The following COL21A1 variants were observed in gnomAD, a reference collection of about 807,000 sequenced individuals.
COL21A1 encodes collagen type XXI alpha 1 chain.
A neutral mutation model predicts 137.9 loss-of-function variants in COL21A1; 149 were observed. That is an observed-to-expected ratio of 1.08 (90% CI 0.95 to 1.24). COL21A1 has a LOEUF of 1.24. Ranked by LOEUF, COL21A1 falls within the 50% of genes most tolerant of loss-of-function variation. COL21A1 has a pLI of 0.00. For missense variants in COL21A1, 1,167 were observed against 1,158.4 expected, an observed-to-expected ratio of 1.01 and a Z score of -0.11; for synonymous variants, 456 against 391.5, an observed-to-expected ratio of 1.16 and a Z score of -1.95.
At chr6:56,276,637 T>G (rs1490846548) in intron 1 of COL21A1, 1 of 1,438,786 alleles carries the variant, frequency 7.0e-7, no homozygotes, top group African/African-American at 1.4e-5. Flanking sequence ...CAAAATCAAT[T>G]TCTGGAAAAC....
intron 17 of COL21A1, among the ~76,000 whole-genome samples, chr6:56,087,706 A>G (rs1463522244): frequency 6.6e-6 from 1 of 152,178 alleles, no homozygotes; most frequent in African/African-American, 2.4e-5. Context: ...TTTGTACAAA[A>G]CAGTACAGTT....
intron 1 of COL21A1, among the ~76,000 whole-genome samples, chr6:56,287,256 T>A (rs4425584): frequency 6.6e-5 from 10 of 151,622 alleles, no homozygotes; most frequent in Non-Finnish European, 8.8e-5. Flanking sequence ...ATTGTGGCCC[T>A]GTGGTGGAAA....
At chr6:56,326,760 T>C (rs916308864) in intron 1 of COL21A1, among the ~76,000 whole-genome samples, 3 of 152,016 alleles carry the variant, frequency 2.0e-5, no homozygotes, top group African/African-American at 4.8e-5. Flanking sequence ...TAAAATAACT[T>C]AATTCAATAA....
At chr6:56,121,004 A>G (rs1397091661) in intron 16 of COL21A1, among the ~76,000 whole-genome samples, 2 of 152,180 alleles carry the variant, frequency 1.3e-5, no homozygotes, top group East Asian at 3.9e-4. Context: ...TGGCACATAC[A>G]CACAATGGAG....
chr6:56,171,780 T>G (rs148010638), intron 3 of COL21A1, among the ~76,000 whole-genome samples: 1 of 151,876 alleles, frequency 6.6e-6, no homozygotes, highest in Non-Finnish European at 1.5e-5. Flanking sequence ...ATCATACTTA[T>G]AAAGAATATT....
intron 12 of COL21A1, among the ~76,000 whole-genome samples, chr6:56,139,942 G>T (rs190963595): frequency 2.0e-5 from 3 of 152,146 alleles, no homozygotes. Flanking sequence ...ATATAATTAT[G>T]ACATTTTATT....
intron 1 of COL21A1, among the ~76,000 whole-genome samples, chr6:56,305,562 CT>C (rs1190886724): frequency 6.6e-6 from 1 of 151,908 alleles, no homozygotes; most frequent in Non-Finnish European, 1.5e-5. Context: ...CAACCCCTGC[CT>C]TTTTTTGTTT....
At chr6:56,253,208 C>A (rs140698616) in intron 1 of COL21A1, among the ~76,000 whole-genome samples, 1 of 152,162 alleles carries the variant, frequency 6.6e-6, no homozygotes. Context: ...GAACTATAGA[C>A]CTTGGGCTGC....
At position 56,125,592 on chromosome 6, in the gene COL21A1, C is replaced by T. The variant is rs1234613846; in HGVS notation, c.1625G>A (p.Gly542Glu). The change falls in exon 14 of 30, where the codon GGA (glycine) becomes GAA (glutamate). Residue 542 changes from glycine (G) to glutamate (E), a missense_variant. By Grantham distance (98) the Gly-to-Glu change is moderately conservative (BLOSUM62 -2). Transcript: ENST00000244728. ...KGEMGAKGDK[G>E]SPGFYGKKGA... ...CTTTTTGCCATAAAATCCAGGTGATCCTTTGTCTCCTTTGGCACCCATTTC... is the reference window on the plus strand; with the variant it reads ...CTTTTTGCCATAAAATCCAGGTGATTCTTTGTCTCCTTTGGCACCCATTTC... 1.3e-6 allele frequency: 2 copies of T among 1,599,216 alleles called. No individual in the cohort carries two copies. Among genetic ancestry groups the T allele is most frequent in the Admixed American group, 3.4e-5 (2 of 59,532 alleles).
intron 16 of COL21A1, among the ~76,000 whole-genome samples, chr6:56,108,263 T>C (rs558751105): frequency 6.6e-6 from 1 of 151,972 alleles, no homozygotes; most frequent in East Asian, 1.9e-4. Context: ...AGACCAAACC[T>C]ATCAGACAAT....
At chr6:56,103,313 C>T (rs1770612965) in intron 16 of COL21A1, among the ~76,000 whole-genome samples, 2 of 152,116 alleles carry the variant, frequency 1.3e-5, no homozygotes, top group Admixed American at 1.3e-4. Flanking sequence ...GTCATTAGAT[C>T]ATTTAACTTC....
intron 3 of COL21A1, 141 bp downstream of exon 3, chr6:56,179,437 A>G: frequency 1.5e-6 from 1 of 675,772 alleles, no homozygotes; most frequent in Non-Finnish European, 2.4e-6. Flanking sequence ...TATAACATTT[A>G]TAACATTATA....
chr6:56,119,431 A>T (rs561611211), intron 16 of COL21A1, among the ~76,000 whole-genome samples: 1 of 151,044 alleles, frequency 6.6e-6, no homozygotes, highest in African/African-American at 2.5e-5. Flanking sequence ...ATAAAAAAAT[A>T]TTTCATGTTC....
At chr6:56,146,105 A>G (rs1252977709) in intron 10 of COL21A1, among the ~76,000 whole-genome samples, 1 of 152,186 alleles carries the variant, frequency 6.6e-6, no homozygotes, top group Non-Finnish European at 1.5e-5. Context: ...TTTGCAAAGT[A>G]GTGAGGAGGG....
At chr6:56,085,432 A>C (rs1187745132) in intron 17 of COL21A1, among the ~76,000 whole-genome samples, 1 of 152,110 alleles carries the variant, frequency 6.6e-6, no homozygotes, top group South Asian at 2.1e-4. Context: ...AAGGAAACCG[A>C]ACCCATTTGG....
At chr6:56,273,423 T>C (rs1763573105) in intron 1 of COL21A1, among the ~76,000 whole-genome samples, 1 of 152,010 alleles carries the variant, frequency 6.6e-6, no homozygotes, top group African/African-American at 2.4e-5. Context: ...ATATAAAAGA[T>C]CAATGAAACC....
At chr6:56,228,631 T>C (rs1781359419) in intron 1 of COL21A1, among the ~76,000 whole-genome samples, 1 of 150,934 alleles carries the variant, frequency 6.6e-6, no homozygotes. Flanking sequence ...CAGATGAAAA[T>C]GCTTACTTGA....
chr6:56,241,608 G>A (rs957341303), intron 1 of COL21A1, among the ~76,000 whole-genome samples: 3 of 146,784 alleles, frequency 2.0e-5, no homozygotes, highest in African/African-American at 5.2e-5. Context: ...ATAGGGAAAC[G>A]GTGGAGAGCA....
intron 1 of COL21A1, among the ~76,000 whole-genome samples, chr6:56,373,635 T>C (rs551648870): frequency 1.3e-5 from 2 of 152,134 alleles, no homozygotes; most frequent in Admixed American, 6.5e-5. Flanking sequence ...TTAACTGACA[T>C]ATAAAATTGT....
Sources: allele counts gnomAD v4.1 joint callset (sites outside exome capture counted in the v4.1 genomes callset), GRCh38; gene constraint gnomAD v4.1.1; transcripts MANE v1.5; gene names NCBI Gene and HGNC (gene_info 2026-07-23, HGNC 2026-07-21).